PRKG1: variants seen among roughly 807,000 people sequenced by gnomAD.
PRKG1 encodes the protein protein kinase cGMP-dependent 1.
In PRKG1, 35 loss-of-function variants were observed where a neutral mutation model predicts 88.1. The ratio of observed to expected loss-of-function variants is 0.40; its 90% CI spans 0.30 to 0.53. The LOEUF (loss-of-function observed/expected upper bound fraction) is 0.53. Ranked by LOEUF, PRKG1 falls within the 20% of genes least tolerant of loss-of-function variation. The probability of loss-of-function intolerance (pLI) is 0.59; values close to 1 mark genes in which losing one functional copy is unlikely to be tolerated. For synonymous variants in PRKG1, 303 were observed against 292.5 expected, an observed-to-expected ratio of 1.04 and a Z score of -0.37; for missense variants, 540 against 839.8, an observed-to-expected ratio of 0.64 and a Z score of 4.41.
At chr10:51,259,716 C>A (rs538063109) in intron 2 of PRKG1, among the ~76,000 whole-genome samples, 26 of 152,186 alleles carry the variant, frequency 1.7e-4, no homozygotes, top group Non-Finnish European at 2.9e-4. Flanking sequence ...CCTCAGATGA[C>A]CCACCCACCT....
rs1015493525 is a variant in PRKG1, at chr10:52,191,502, T to C, written c.1076+29539T>C. Among the ~76,000 whole-genome samples the C allele has an allele frequency of 4.6e-5, 7 of 152,226 alleles. No individual in the cohort carries two copies. In the South Asian group the frequency reaches 6.2e-4, roughly 14 times the overall value. ...AAAGAAACTGAATCATTTGTCCTGGTGTAAATCCACTCTTCCAGATTATCC... is the reference window on the plus strand; with the variant it reads ...AAAGAAACTGAATCATTTGTCCTGGCGTAAATCCACTCTTCCAGATTATCC... On this transcript the variant is annotated intron_variant, in intron 9 of 17. Coordinates refer to ENST00000373980, the MANE Select transcript of PRKG1 (RefSeq NM_006258.4).
intron 3 of PRKG1, among the ~76,000 whole-genome samples, chr10:51,503,697 T>C (rs1411460498): frequency 6.7e-6 from 1 of 148,982 alleles, no homozygotes; most frequent in African/African-American, 2.4e-5. Flanking sequence ...TTTAACCTCT[T>C]CTCTTTTGCA....
chr10:52,086,328 T>A (rs1237284181), intron 7 of PRKG1, among the ~76,000 whole-genome samples: 1 of 150,622 alleles, frequency 6.6e-6, no homozygotes, highest in African/African-American at 2.4e-5. Context: ...TTTCTTACAC[T>A]AAAAGTAGCA....
At chr10:51,740,495 T>C (rs1394365483) in intron 3 of PRKG1, among the ~76,000 whole-genome samples, 2 of 152,234 alleles carry the variant, frequency 1.3e-5, no homozygotes, top group Non-Finnish European at 2.9e-5. Flanking sequence ...AATGACATTA[T>C]TTTATGCTTT....
At chr10:51,202,636 TA>T in intron 2 of PRKG1, among the ~76,000 whole-genome samples, 1 of 152,188 alleles carries the variant, frequency 6.6e-6, no homozygotes, top group Non-Finnish European at 1.5e-5. Flanking sequence ...TAGAGTGAGT[TA>T]AAAGAAATAC....
chr10:51,678,646 C>T (rs1477064599), intron 3 of PRKG1, among the ~76,000 whole-genome samples: 34 of 152,144 alleles, frequency 2.2e-4, no homozygotes, highest in Admixed American at 2.2e-3. Context: ...GAAAAGGTGG[C>T]ATAACTTAAG....
chr10:51,267,647 A>G (rs182020530), intron 2 of PRKG1, among the ~76,000 whole-genome samples: 248 of 152,284 alleles, frequency 1.6e-3, no homozygotes, highest in Non-Finnish European at 1.2e-3. Flanking sequence ...CTCACCTTAT[A>G]TAAAAATCAA....
At chr10:51,267,529 A>G (rs1384235724) in intron 2 of PRKG1, among the ~76,000 whole-genome samples, 4 of 152,136 alleles carry the variant, frequency 2.6e-5, no homozygotes, top group African/African-American at 9.7e-5. Context: ...TTCATATACT[A>G]AGCTGGTTTA....
At chr10:51,945,401 CT>C (rs1195174099) in intron 5 of PRKG1, among the ~76,000 whole-genome samples, 1 of 151,026 alleles carries the variant, frequency 6.6e-6, no homozygotes, top group African/African-American at 2.4e-5. Flanking sequence ...GGTCTTGACT[CT>C]TTATCCAATT....
chr10:51,374,382 T>C (rs1175122455), intron 2 of PRKG1, among the ~76,000 whole-genome samples: 1 of 151,828 alleles, frequency 6.6e-6, no homozygotes, highest in Non-Finnish European at 1.5e-5. Context: ...AGAATGATGA[T>C]TTCCAGTTTC....
chr10:51,698,036 C>G, intron 3 of PRKG1: 4 of 1,614,080 alleles, frequency 2.5e-6, no homozygotes, highest in Non-Finnish European at 3.4e-6. Context: ...CATACCAGCT[C>G]CAGGATTCCC....
chr10:52,177,906 G>T lies in PRKG1; in HGVS notation c.1076+15943G>T, dbSNP rs373908027. 4.7e-5 allele frequency among the ~76,000 whole-genome samples: 7 copies of T among 148,694 alleles called. No homozygotes were observed. The South Asian group carries it at 8.4e-4, about 18-fold the overall frequency. ...TTTTTTTTCCTTAGTCTAGGTAATG[G>T]TGTGTTGATTTTGCATATCTTTTCA... On this transcript the variant is annotated intron_variant, in intron 9 of 17. Coordinates refer to ENST00000373980, the MANE Select transcript of PRKG1 (RefSeq NM_006258.4).
At position 52,109,303 on chromosome 10, in the gene PRKG1, C is replaced by A. The variant is rs561248445; in HGVS notation, c.936-24537C>A. Among the ~76,000 whole-genome samples, 6 of 152,242 alleles carry A rather than the reference C, an allele frequency of 3.9e-5. No homozygotes were observed. The East Asian group carries it at 1.2e-3, about 29-fold the overall frequency. Reference sequence around the variant, plus strand: ...TATACTTTCTTCCCCCTACTTAACCCGCATTTTTCTAAAAGAACACATGCA... The same window carrying A: ...TATACTTTCTTCCCCCTACTTAACCAGCATTTTTCTAAAAGAACACATGCA... On this transcript the variant is annotated intron_variant, in intron 7 of 17. Transcript: ENST00000373980.
intron 3 of PRKG1, among the ~76,000 whole-genome samples, chr10:51,631,618 C>G (rs751337006): frequency 1.3e-5 from 2 of 152,214 alleles, no homozygotes; most frequent in Non-Finnish European, 2.9e-5. Context: ...AGCCACTCCC[C>G]TCAGTGTTGG....
Position 51,202,051 on chromosome 10 carries a change from G to A in PRKG1, c.478+48721G>A, listed in dbSNP as rs543154883. Among the ~76,000 whole-genome samples the A allele has an allele frequency of 5.9e-5, 9 of 152,282 alleles. No homozygotes were observed. The East Asian group carries it at 1.7e-3, about 29-fold the overall frequency. On this transcript the variant is annotated intron_variant, in intron 2 of 17. Coordinates refer to ENST00000373980, the MANE Select transcript of PRKG1 (RefSeq NM_006258.4). The stretch of plus-strand genomic sequence containing the variant: ...TATTAGAGGTGTTATGAGGGATTCT[G>A]TAGCAGATGCTATTGGTGCCCTCCC...
At chr10:51,347,521 C>T (rs1842140054) in intron 2 of PRKG1, among the ~76,000 whole-genome samples, 1 of 151,700 alleles carries the variant, frequency 6.6e-6, no homozygotes, top group Admixed American at 6.6e-5. Context: ...GACAGTAGTC[C>T]CCCTAAAAAC....
intron 3 of PRKG1, among the ~76,000 whole-genome samples, chr10:51,721,212 TAAA>T (rs55873432): frequency 8.2e-6 from 1 of 122,078 alleles, no homozygotes; most frequent in Non-Finnish European, 1.7e-5. Flanking sequence ...CAAGACCTAT[TAAA>T]AAAAAAAAAA....
At chr10:51,436,655 G>A (rs928639635) in intron 2 of PRKG1, among the ~76,000 whole-genome samples, 4 of 151,986 alleles carry the variant, frequency 2.6e-5, no homozygotes, top group South Asian at 2.1e-4. Context: ...ATGTAATATC[G>A]CTGTCACATT....
At chr10:51,639,351 G>T (rs767493452) in intron 3 of PRKG1, among the ~76,000 whole-genome samples, 1 of 145,576 alleles carries the variant, frequency 6.9e-6, no homozygotes, top group Non-Finnish European at 1.5e-5. Flanking sequence ...GGAGAATGGC[G>T]TGAACCTCGG....
Sources: allele counts gnomAD v4.1 joint callset (sites outside exome capture counted in the v4.1 genomes callset), GRCh38; gene constraint gnomAD v4.1.1; transcripts MANE v1.5; gene names NCBI Gene and HGNC (gene_info 2026-07-23, HGNC 2026-07-21).